FBF1: variants seen among roughly 807,000 people sequenced by gnomAD.
The protein encoded by FBF1 is fas-binding factor 1.
A neutral mutation model predicts 147.2 loss-of-function variants in FBF1; 119 were observed. That is an observed-to-expected ratio of 0.81 (90% CI 0.70 to 0.94). The LOEUF (loss-of-function observed/expected upper bound fraction) is 0.94. Among genes scored for constraint, FBF1 ranks in the 40% least tolerant of loss-of-function variants. The pLI is 0.00. For synonymous variants in FBF1, 601 were observed against 609.0 expected (o/e 0.99, Z 0.19); for missense variants, 1,449 against 1,500.8 (o/e 0.97, Z 0.57).
At chr17:75,927,367 G>T in intron 9 of FBF1, 88 bp downstream of exon 9, 1 of 1,103,168 alleles carries the variant, frequency 9.1e-7, no homozygotes, top group Non-Finnish European at 1.3e-6. Flanking sequence ...GACATAGGCA[G>T]CAGCTGGGCC....
At chr17:75,938,271 T>C in intron 1 of FBF1, 39 bp from the exon 2 acceptor site, 3 of 1,450,806 alleles carry the variant, frequency 2.1e-6, no homozygotes, top group Non-Finnish European at 2.8e-6. Flanking sequence ...AAAAATGATG[T>C]AGCTTTGGCT....
chr17:75,915,142 G>C lies in FBF1; in HGVS notation c.2506-3C>G. ...TCGGCAGTCACCCGCCAGCGTTCCT[G>C]TAGGGCCCAGGGCAGGACTGAGAGC... On this transcript the variant is annotated splice_polypyrimidine_tract_variant and splice_region_variant and intron_variant, in intron 23 of 29. Transcript: ENST00000636174. 1 of 1,608,124 alleles carries C rather than the reference G, an allele frequency of 6.2e-7. No homozygotes were observed. Among genetic ancestry groups the C allele is most frequent in the Non-Finnish European group, 8.5e-7 (1 of 1,179,284 alleles).
In FBF1 at chr17:75,909,895, G is replaced by C. The variant is rs1459351677; in HGVS notation, c.*828C>G. On this transcript the variant is annotated 3_prime_UTR_variant, in exon 30 of 30. Transcript: ENST00000636174. ...GCTTAGTCAAGTTGAAGCAGCGGGA[G>C]TGGAGGAGGATCAGAGAAACCTCTG... 2 of 701,266 alleles carry C rather than the reference G, an allele frequency of 2.9e-6. No homozygotes were observed. Among genetic ancestry groups the C allele is most frequent in the Non-Finnish European group, 5.2e-6 (2 of 384,394 alleles). 43.4% of individuals were successfully genotyped at this position (701,266 alleles called of 1,614,324 possible). A position where few individuals can be genotyped will look rare whatever the true frequency, so the allele number is the denominator to read the frequency against.
chr17:75,921,845 G>T, intron 15 of FBF1, 100 bp downstream of exon 15: 1 of 1,087,324 alleles, frequency 9.2e-7, no homozygotes, highest in Non-Finnish European at 1.3e-6. Flanking sequence ...CGGGGACGGG[G>T]CAGGGGCAGG....
chr17:75,923,206 C>T lies in FBF1; in HGVS notation c.1404G>A (p.Ala468=), dbSNP rs780829361. 53 of 1,586,980 alleles carry T rather than the reference C, an allele frequency of 3.3e-5. No homozygotes were observed. The highest frequency in any genetic ancestry group is 2.3e-4 in the South Asian group (20 of 87,200). ...TSEGLHLAGT[A]GHPPSGSQPL... is the part of the protein sequence containing the mutation. Reference sequence around the variant, plus strand: ...AGTACCTGCCAGAAGGGGGATGGCCCGCTGTCCCCGCCAAATGCAGGCCCT... The same window carrying T: ...AGTACCTGCCAGAAGGGGGATGGCCTGCTGTCCCCGCCAAATGCAGGCCCT... Residue 468 remains alanine, a synonymous_variant, in exon 14 of 30, where the codon GCG becomes GCA. Transcript: ENST00000636174. The surrounding 1 kb of genome is among the most constrained non-coding windows in gnomAD (Gnocchi z 4.1).
Position 75,920,003 on chromosome 17 carries a change from GTAC to G in FBF1, c.1931+1_1931+3del. 1 of 1,608,398 alleles carries G rather than the reference GTAC, an allele frequency of 6.2e-7. No individual in the cohort carries two copies. Among genetic ancestry groups the G allele is most frequent in the Non-Finnish European group, 8.5e-7 (1 of 1,177,384 alleles). On this transcript the variant is annotated splice_donor_variant and splice_donor_region_variant and intron_variant, in intron 19 of 29. Transcript: ENST00000636174. LOFTEE classifies it high-confidence loss of function. ...AGGCAGAGCTGGGGCCAGCGCCAGG[GTAC>G]CTGTGTGCACTCTCGATGAGCTCCA...
At position 75,910,943 on chromosome 17, in the gene FBF1, A is replaced by G; in HGVS notation, c.3364-137T>C. ...ACTCTGCCTGGCTCTGGGAGTCAGC[A>G]GGGGCCATGAAAGAGCCCAGGTATG... On this transcript the variant is annotated intron_variant, in intron 29 of 29. Transcript: ENST00000636174. The surrounding 1 kb of genome is among the most constrained non-coding windows in gnomAD (Gnocchi z 4.1). The G allele has an allele frequency of 1.4e-6, 1 of 700,948 alleles. No homozygotes were observed. Among genetic ancestry groups the G allele is most frequent in the Non-Finnish European group, 2.4e-6 (1 of 409,168 alleles). The allele number at this position is 700,948 out of a possible 1,614,324, so 43.4% of individuals were successfully genotyped here.
At chr17:75,927,282 C>T (rs1598158724) in intron 9 of FBF1, among the ~76,000 whole-genome samples, 173 bp downstream of exon 9, 1 of 152,326 alleles carries the variant, frequency 6.6e-6, no homozygotes, top group East Asian at 1.9e-4. Flanking sequence ...AAATAAGTTC[C>T]CTAATATCTC....
At position 75,918,659 on chromosome 17, in the gene FBF1, T is replaced by C. The variant is rs143000241; in HGVS notation, c.2139-390A>G. Among the ~76,000 whole-genome samples the C allele has an allele frequency of 1.8e-3, 281 of 152,002 alleles. 2 individuals are homozygous for C. Among genetic ancestry groups the C allele is most frequent in the African/African-American group, 6.6e-3 (272 of 41,456 alleles). ...ACTATAGGCGCTCACCACGCCTAAT[T>C]TTTTATATTTTAGTAGAGATGGGGT... On this transcript the variant is annotated intron_variant, in intron 20 of 29. Transcript: ENST00000636174. The surrounding 1 kb of genome is among the most constrained non-coding windows in gnomAD (Gnocchi z 5.8).
rs1203850925 is a variant in FBF1 at position 75,930,022 on chromosome 17, G to T, written c.254C>A (p.Pro85Gln). The T allele has an allele frequency of 6.4e-7, 1 of 1,564,438 alleles. No homozygotes were observed. The highest frequency in any genetic ancestry group is 8.6e-7 in the Non-Finnish European group (1 of 1,157,278). Reference protein sequence around the residue: ...AEVSGISEADPQALLQAMKDL... With the variant: ...AEVSGISEADQQALLQAMKDL... ...CTTCATGGCCTGGAGCAGAGCCTGT[G>T]GGTCTGCCTCTGAGATACCTGAAAC... The change falls in exon 7 of 30, where the codon CCA becomes CAA. Residue 85 changes from proline (P) to glutamine (Q), a missense_variant. Transcript: ENST00000636174.
chr17:75,919,660 G>T lies in FBF1; in HGVS notation c.2138+8C>A. 1 of 1,588,718 alleles carries T rather than the reference G, an allele frequency of 6.3e-7. No individual in the cohort carries two copies. Among genetic ancestry groups the T allele is most frequent in the Non-Finnish European group, 8.5e-7 (1 of 1,169,762 alleles). On this transcript the variant is annotated splice_region_variant and intron_variant, in intron 20 of 29. Coordinates refer to ENST00000636174, the MANE Select transcript of FBF1 (RefSeq NM_001319193.2). This position sits in a 1 kb window ranked among gnomAD's most constrained non-coding sequence, Gnocchi z 5.0. The stretch of plus-strand genomic sequence containing the variant: ...CCTGCTCCCCAGCTGCCTGTCCCTG[G>T]GCCTCACCGCTGCAGCTCCCGGAGC...
chr17:75,914,750 G>A lies in FBF1; in HGVS notation c.2811C>T (p.Ala937=). 1 of 1,566,566 alleles carries A rather than the reference G, an allele frequency of 6.4e-7. No homozygotes were observed. Among genetic ancestry groups the A allele is most frequent in the South Asian group, 1.2e-5 (1 of 85,234 alleles). The change falls in exon 25 of 30, where the codon GCC becomes GCT. Residue 937 remains alanine, a synonymous_variant. Transcript: ENST00000636174. ...GTCCGGAGGCTCTGGGCCCTACCTT[G>A]GCCAGGCTGATGAGGGTGCCCTCCC... ...TQREGTLISL[A]KEQAELKIRA...
chr17:75,926,954 G>C, intron 9 of FBF1, 77 bp from the exon 10 acceptor site: 1 of 1,541,962 alleles, frequency 6.5e-7, no homozygotes. Flanking sequence ...GGGGAGCAGC[G>C]CTCGAGTCAA....
Position 75,918,226 on chromosome 17 carries a change from G to A in FBF1, c.2182C>T (p.Gln728Ter), listed in dbSNP as rs199952376. ...CGGTCCTTCAGCAGCTTTAGCCGCT[G>A]CAGCTGCTCCTCGTGGTCTCTGCGC... The part of the protein sequence containing the change: ...DMRRDHEEQL[Q>*]RLKLLKDREV... Residue 728 changes from glutamine to a stop codon, truncating the protein, a stop_gained, in exon 21 of 30, where the codon CAG (glutamine) becomes TAG (stop). Transcript: ENST00000636174. LOFTEE classifies it high-confidence loss of function. This position sits in a 1 kb window ranked among gnomAD's most constrained non-coding sequence, Gnocchi z 5.8. 68 of 1,613,418 alleles carry A rather than the reference G, an allele frequency of 4.2e-5. No individual in the cohort carries two copies. Among genetic ancestry groups the A allele is most frequent in the Non-Finnish European group, 4.9e-5 (58 of 1,179,876 alleles).
intron 29 of FBF1, among the ~76,000 whole-genome samples, chr17:75,911,489 G>T (rs145601207): frequency 6.6e-6 from 1 of 152,276 alleles, no homozygotes; most frequent in East Asian, 1.9e-4. Context: ...TGGGACTATA[G>T]ATATGCCCCA....
chr17:75,915,592 G>A (rs2065483774), intron 23 of FBF1, among the ~76,000 whole-genome samples: 1 of 152,206 alleles, frequency 6.6e-6, no homozygotes, highest in Non-Finnish European at 1.5e-5. Context: ...CAAATGAAGA[G>A]GCGAATCAAA....
rs766429153 is a variant in FBF1 at position 75,919,678 on chromosome 17, C to T, written c.2128G>A (p.Glu710Lys). 1.2e-6 allele frequency: 2 copies of T among 1,602,592 alleles called. No homozygotes were observed. The highest frequency in any genetic ancestry group is 1.7e-6 in the Non-Finnish European group (2 of 1,175,932). ...GTCCCTGGGCCTCACCGCTGCAGCT[C>T]CCGGAGCCGCTCCATTTCCTGGTCC... ...EKDQEMERLR[E>K]LQRASILDMR... Residue 710 changes from glutamate to lysine, a missense_variant, in exon 20 of 30, where the codon GAG (glutamate) becomes AAG (lysine). Glu to Lys is a moderately conservative substitution (Grantham distance 56, BLOSUM62 1). Coordinates refer to ENST00000636174, the MANE Select transcript of FBF1 (RefSeq NM_001319193.2). This position sits in a 1 kb window ranked among gnomAD's most constrained non-coding sequence, Gnocchi z 5.0.
rs188483272 is a variant in FBF1, at chr17:75,918,188, C to T, written c.2220G>A (p.Ala740=). Residue 740 remains alanine, a synonymous_variant, in exon 21 of 30, where the codon GCG becomes GCA. Transcript: ENST00000636174. This position sits in a 1 kb window ranked among gnomAD's most constrained non-coding sequence, Gnocchi z 5.8. The part of the protein sequence containing the change: ...LKLLKDREVD[A]ATSATSHTRS... Reference sequence around the variant, plus strand: ...GCGTGTGGGAGGTGGCACTGGTGGCCGCATCGACCTCTCGGTCCTTCAGCA... The same window carrying T: ...GCGTGTGGGAGGTGGCACTGGTGGCTGCATCGACCTCTCGGTCCTTCAGCA... The T allele has an allele frequency of 5.9e-4, 950 of 1,613,282 alleles. 7 individuals carry two copies. In the African/African-American group the frequency reaches 0.011, roughly 19 times the overall value.
chr17:75,937,875 T>C (rs2065634419), intron 2 of FBF1: 1 of 625,974 alleles, frequency 1.6e-6, no homozygotes, highest in Admixed American at 2.8e-5. Context: ...AGATGTCATG[T>C]GACCGGAAAT....
Sources: gnomAD v4.1 joint callset for allele counts (sites outside exome capture counted in the v4.1 genomes callset) on GRCh38, gnomAD v4.1.1 for gene constraint, Gnocchi (gnomAD v3.1) non-coding constraint, MANE v1.5 for transcripts, NCBI Gene and HGNC (gene_info 2026-07-23, HGNC 2026-07-21) for gene names.